Variants in PTPRD observed in about 807,000 individuals in gnomAD.
The protein encoded by PTPRD is protein tyrosine phosphatase receptor type D, also known as receptor-type tyrosine-protein phosphatase delta.
PTPRD carries 34 observed loss-of-function variants against 214.5 expected under a neutral mutation model. That is an observed-to-expected ratio of 0.16 (90% CI 0.12 to 0.21). PTPRD has a LOEUF of 0.21. Ranked by LOEUF, PTPRD falls within the 10% of genes least tolerant of loss-of-function variation. The pLI, the probability that PTPRD is intolerant of heterozygous loss-of-function variation, is 1.00. For missense variants in PTPRD, 2,545 were observed against 2,398.7 expected (o/e 1.06, Z -1.27); for synonymous variants, 1,128 against 845.7 (o/e 1.33, Z -5.79).
intron 14 of PTPRD, among the ~76,000 whole-genome samples, chr9:8,613,951 T>G (rs898564433): frequency 7.0e-6 from 1 of 143,118 alleles, no homozygotes; most frequent in African/African-American, 2.6e-5. Context: ...ATTCTTGCAG[T>G]TTTTTTTTTT....
At chr9:9,871,547 G>A (rs990845644) in intron 5 of PTPRD, among the ~76,000 whole-genome samples, 2 of 152,268 alleles carry the variant, frequency 1.3e-5, no homozygotes, top group Non-Finnish European at 1.5e-5. Flanking sequence ...GGGGCAGAGT[G>A]TAAGCAACCT....
chr9:9,813,417 A>G (rs1224721438), intron 5 of PTPRD, among the ~76,000 whole-genome samples: 1 of 152,050 alleles, frequency 6.6e-6, no homozygotes, highest in Admixed American at 6.5e-5. Flanking sequence ...ACAGAGCTCA[A>G]TAAATTAGAA....
At chr9:9,481,225 T>C (rs1432759292) in intron 8 of PTPRD, among the ~76,000 whole-genome samples, 2 of 152,068 alleles carry the variant, frequency 1.3e-5, no homozygotes, top group African/African-American at 2.4e-5. Flanking sequence ...TATTACCTAG[T>C]AAAAAAATCA....
chr9:8,446,911 A>T (rs2095753682), intron 34 of PTPRD, among the ~76,000 whole-genome samples: 1 of 152,224 alleles, frequency 6.6e-6, no homozygotes. Flanking sequence ...TCCTATTGGC[A>T]AGTAATTATG....
intron 5 of PTPRD, among the ~76,000 whole-genome samples, chr9:9,811,717 C>G (rs1346805174): frequency 2.6e-5 from 4 of 151,844 alleles, no homozygotes; most frequent in Admixed American, 2.6e-4. Context: ...AAAAACAAAA[C>G]AAAAAATGGT....
chr9:8,480,417 A>G (rs2096856393), intron 30 of PTPRD, among the ~76,000 whole-genome samples: 1 of 152,042 alleles, frequency 6.6e-6, no homozygotes. Context: ...TTATCTATCT[A>G]ATTTTCTCTA....
intron 11 of PTPRD, among the ~76,000 whole-genome samples, chr9:9,007,298 A>G (rs1005026904): frequency 2.0e-5 from 3 of 150,800 alleles, no homozygotes; most frequent in Non-Finnish European, 4.4e-5. Flanking sequence ...TTTCCATACT[A>G]GATGACTTTG....
intron 9 of PTPRD, among the ~76,000 whole-genome samples, chr9:9,384,734 G>T (rs2140488116): frequency 6.6e-6 from 1 of 151,976 alleles, no homozygotes; most frequent in East Asian, 1.9e-4. Flanking sequence ...TTATTATACA[G>T]ACTTTCTATT....
At chr9:9,575,783 A>G (rs1300675531) in intron 7 of PTPRD, among the ~76,000 whole-genome samples, 317 of 74,040 alleles carry the variant, frequency 4.3e-3, no homozygotes, top group African/African-American at 0.014. Flanking sequence ...AAGAAAGAAA[A>G]AGAAAAAAAA....
intron 5 of PTPRD, among the ~76,000 whole-genome samples, chr9:9,830,948 G>C (rs1327382147): frequency 6.6e-6 from 1 of 151,884 alleles, no homozygotes; most frequent in Non-Finnish European, 1.5e-5. Context: ...TCAAGAATAT[G>C]CAAGAACTCT....
At chr9:9,304,180 T>C (rs1374770932) in intron 9 of PTPRD, among the ~76,000 whole-genome samples, 3 of 152,102 alleles carry the variant, frequency 2.0e-5, no homozygotes, top group Non-Finnish European at 4.4e-5. Flanking sequence ...CCCTCAACAA[T>C]AGATTTTATA....
chr9:10,461,915 C>T (rs761994909), intron 2 of PTPRD, among the ~76,000 whole-genome samples: 44 of 152,106 alleles, frequency 2.9e-4, no homozygotes, highest in Non-Finnish European at 4.9e-4. Context: ...AATCACCACA[C>T]CCGGTCTATC....
At chr9:8,957,035 T>A (rs906563322) in intron 11 of PTPRD, among the ~76,000 whole-genome samples, 13 of 151,838 alleles carry the variant, frequency 8.6e-5, no homozygotes, top group African/African-American at 3.1e-4. Context: ...ACTATTTAAA[T>A]CCTGTTGTGA....
At chr9:8,482,854 A>G (rs1286815581) in intron 30 of PTPRD, among the ~76,000 whole-genome samples, 1 of 152,058 alleles carries the variant, frequency 6.6e-6, no homozygotes, top group Admixed American at 6.5e-5. Context: ...CCCTTTGCAT[A>G]TAGTCTCTCT....
chr9:9,180,408 G>GGACACAGGAAGGGGAACAT (rs1271374573), intron 10 of PTPRD, among the ~76,000 whole-genome samples: 6 of 141,672 alleles, frequency 4.2e-5, no homozygotes, highest in Non-Finnish European at 1.5e-5. Context: ...GAGAACACAT[G>GGACACAGGAAGGGGAACAT]GACACAGGAA....
chr9:9,250,482 T>A (rs970203672), intron 9 of PTPRD, among the ~76,000 whole-genome samples: 22 of 152,088 alleles, frequency 1.4e-4, no homozygotes, highest in African/African-American at 5.3e-4. Context: ...ATTAATCATG[T>A]TTCTTAGCTC....
intron 2 of PTPRD, among the ~76,000 whole-genome samples, chr9:10,521,489 T>G (rs1249622420): frequency 6.6e-6 from 1 of 152,104 alleles, no homozygotes; most frequent in African/African-American, 2.4e-5. Context: ...ACTTAGTAAA[T>G]AAAGCAGTGG....
chr9:10,349,899 T>G (rs2097153003), intron 2 of PTPRD, among the ~76,000 whole-genome samples: 1 of 152,096 alleles, frequency 6.6e-6, no homozygotes. Flanking sequence ...TGACCTCAGG[T>G]GGTCGGCCCA....
intron 3 of PTPRD, among the ~76,000 whole-genome samples, chr9:10,058,302 C>A (rs753707055): frequency 3.9e-5 from 6 of 152,038 alleles, no homozygotes; most frequent in Non-Finnish European, 8.8e-5. Context: ...CCAGACACTG[C>A]AACCCATATG....
Sources: allele counts gnomAD v4.1 joint callset (sites outside exome capture counted in the v4.1 genomes callset), GRCh38; gene constraint gnomAD v4.1.1; transcripts MANE v1.5; gene names NCBI Gene and HGNC (gene_info 2026-07-23, HGNC 2026-07-21).